EYS: variants seen among roughly 807,000 people sequenced by gnomAD.
EYS encodes the protein EGF-like photoreceptor maintenance factor.
EYS carries 250 observed loss-of-function variants against 282.1 expected under a neutral mutation model. The observed-to-expected ratio is 0.89, with a 90% CI of 0.80 to 0.98. The LOEUF is 0.98. EYS is among the 50% of genes least tolerant of loss of function. The pLI, the probability that EYS is intolerant of heterozygous loss-of-function variation, is 0.00. For missense variants in EYS, 4,016 were observed against 3,709.0 expected (o/e 1.08, Z -2.15); for synonymous variants, 1,355 against 1,282.9 (o/e 1.06, Z -1.20).
At chr6:64,664,732 A>T (rs1769168285) in intron 22 of EYS, among the ~76,000 whole-genome samples, 1 of 152,194 alleles carries the variant, frequency 6.6e-6, no homozygotes, top group Non-Finnish European at 1.5e-5. Context: ...TTTCATCATG[A>T]GAACACAGTA....
intron 1 of EYS, among the ~76,000 whole-genome samples, chr6:65,689,617 A>C (rs917179045): frequency 6.6e-6 from 1 of 150,466 alleles, no homozygotes; most frequent in Non-Finnish European, 1.5e-5. Context: ...ATGAATATAG[A>C]TATGTTTAAT....
At chr6:64,230,913 A>G (rs1766408407) in intron 30 of EYS, 89 bp from the exon 31 acceptor site, 18 of 774,006 alleles carry the variant, frequency 2.3e-5, no homozygotes, top group South Asian at 2.3e-4. Context: ...ATTTAATATA[A>G]GAGAAAATGA....
chr6:65,508,329 G>C (rs561543822), intron 2 of EYS, among the ~76,000 whole-genome samples: 1 of 151,980 alleles, frequency 6.6e-6, no homozygotes, highest in African/African-American at 2.4e-5. Context: ...TGATCCTCCA[G>C]TTAAATCTCA....
At chr6:65,547,890 C>A (rs943114024) in intron 2 of EYS, among the ~76,000 whole-genome samples, 5 of 152,108 alleles carry the variant, frequency 3.3e-5, no homozygotes, top group Admixed American at 2.0e-4. Context: ...ACACTCTTCC[C>A]AATATGATTT....
chr6:65,264,881 G>A (rs933221044), intron 12 of EYS, among the ~76,000 whole-genome samples: 10 of 151,412 alleles, frequency 6.6e-5, no homozygotes, highest in African/African-American at 2.2e-4. Flanking sequence ...ATATATCTGT[G>A]TAGATATATC....
intron 28 of EYS, among the ~76,000 whole-genome samples, chr6:64,402,009 G>T (rs1328765096): frequency 6.6e-6 from 1 of 152,060 alleles, no homozygotes; most frequent in Non-Finnish European, 1.5e-5. Flanking sequence ...TGCTGTACTT[G>T]TCAGTCTCTT....
At chr6:63,966,995 C>A (rs527455230) in intron 35 of EYS, among the ~76,000 whole-genome samples, 1 of 152,102 alleles carries the variant, frequency 6.6e-6, no homozygotes, top group Non-Finnish European at 1.5e-5. Flanking sequence ...TATGATAAAG[C>A]TTAATTAATA....
At chr6:64,575,688 G>A (rs756799069) in intron 26 of EYS, among the ~76,000 whole-genome samples, 1 of 152,118 alleles carries the variant, frequency 6.6e-6, no homozygotes, top group Non-Finnish European at 1.5e-5. Flanking sequence ...TTAGTCAGCA[G>A]TAAGTGAAGA....
intron 11 of EYS, among the ~76,000 whole-genome samples, chr6:65,319,479 T>C (rs927935233): frequency 6.6e-6 from 1 of 152,020 alleles, no homozygotes; most frequent in African/African-American, 2.4e-5. Context: ...CAGTTTTCCA[T>C]AGAAGAACCG....
At chr6:64,945,431 T>A (rs1411202901) in intron 15 of EYS, among the ~76,000 whole-genome samples, 1 of 152,218 alleles carries the variant, frequency 6.6e-6, no homozygotes, top group East Asian at 1.9e-4. Flanking sequence ...ATTGGAAGTT[T>A]TAATTTAGCG....
intron 8 of EYS, among the ~76,000 whole-genome samples, chr6:65,358,439 C>T (rs189416154): frequency 6.6e-5 from 10 of 152,072 alleles, no homozygotes; most frequent in Non-Finnish European, 1.0e-4. Context: ...CTTATGTCTA[C>T]TGAACTACTC....
At chr6:64,732,710 T>C (rs1434430544) in intron 22 of EYS, among the ~76,000 whole-genome samples, 8 of 150,984 alleles carry the variant, frequency 5.3e-5, no homozygotes, top group Non-Finnish European at 1.0e-4. Context: ...CTCAGATACC[T>C]CAGGGATCAG....
chr6:64,851,494 G>A (rs1765883979), intron 19 of EYS, among the ~76,000 whole-genome samples: 1 of 152,038 alleles, frequency 6.6e-6, no homozygotes, highest in Non-Finnish European at 1.5e-5. Context: ...GGGACTTATT[G>A]ATTTGATGTT....
At chr6:64,596,213 C>T (rs62415832) in intron 24 of EYS, among the ~76,000 whole-genome samples, 14,972 of 150,996 alleles carry the variant, frequency 0.099, 916 homozygotes, top group East Asian at 0.17. Flanking sequence ...GGCCACATCT[C>T]CAGCACTGGG....
At chr6:64,282,322 C>A (rs1251543192) in intron 30 of EYS, among the ~76,000 whole-genome samples, 1 of 152,102 alleles carries the variant, frequency 6.6e-6, no homozygotes, top group African/African-American at 2.4e-5. Flanking sequence ...GTTCTCTTTT[C>A]TTTGTCTGAT....
chr6:65,407,372 C>A (rs1766790914), intron 5 of EYS, among the ~76,000 whole-genome samples: 1 of 152,098 alleles, frequency 6.6e-6, no homozygotes, highest in Admixed American at 6.6e-5. Context: ...TCTCCTGCCT[C>A]AACCTCCCAA....
intron 2 of EYS, among the ~76,000 whole-genome samples, chr6:65,521,123 G>T (rs569363618): frequency 6.6e-6 from 1 of 152,202 alleles, no homozygotes; most frequent in East Asian, 1.9e-4. Flanking sequence ...GTTTGTTCAG[G>T]CTTATCAATT....
chr6:65,562,834 C>A (rs376149880), intron 2 of EYS, among the ~76,000 whole-genome samples: 1 of 151,976 alleles, frequency 6.6e-6, no homozygotes, highest in African/African-American at 2.4e-5. Flanking sequence ...GCATGAAGTA[C>A]AGTTTAAATA....
intron 30 of EYS, among the ~76,000 whole-genome samples, chr6:64,296,947 T>C (rs935789680): frequency 6.6e-6 from 1 of 152,190 alleles, no homozygotes; most frequent in Non-Finnish European, 1.5e-5. Context: ...GTGAAGTCTA[T>C]TGAAGGTTTA....
Sources: gnomAD v4.1 joint callset for allele counts (sites outside exome capture counted in the v4.1 genomes callset) on GRCh38, gnomAD v4.1.1 for gene constraint, MANE v1.5 for transcripts, NCBI Gene and HGNC (gene_info 2026-07-23, HGNC 2026-07-21) for gene names.